Variants in AFF2 observed in about 807,000 individuals in gnomAD.
The protein encoded by AFF2 is ALF transcription elongation factor 2, also known as AF4/FMR2 family member 2.
In AFF2, 14 loss-of-function variants were observed where a neutral mutation model predicts 76.9. That is an observed-to-expected ratio of 0.18 (90% confidence interval 0.12 to 0.28). The LOEUF (loss-of-function observed/expected upper bound fraction) is 0.28. Among genes scored for constraint, AFF2 ranks in the 10% least tolerant of loss-of-function variants. The pLI is 1.00. For synonymous variants in AFF2, 398 were observed against 366.7 expected, an observed-to-expected ratio of 1.09 and a Z score of -0.98; for missense variants, 868 against 1,001.1, an observed-to-expected ratio of 0.87 and a Z score of 1.79.
chrX:148,837,594 G>A (rs1381260109), intron 4 of AFF2, 53 bp from the exon 5 acceptor site: 4 of 737,690 alleles, frequency 5.4e-6, no homozygotes, highest in Non-Finnish European at 6.4e-6. Flanking sequence ...GCTAAGAAAG[G>A]GCTTGATTTT....
chrX:148,576,704 C>T (rs1383706979), intron 1 of AFF2, among the ~76,000 whole-genome samples: 1 of 110,557 alleles, frequency 9.0e-6, no homozygotes, highest in Non-Finnish European at 1.9e-5. Flanking sequence ...AACGTTTAAC[C>T]GAAAAGGTGG....
chrX:148,635,600 C>T (rs2124436573), intron 1 of AFF2, among the ~76,000 whole-genome samples: 1 of 111,714 alleles, frequency 9.0e-6, no homozygotes, highest in African/African-American at 3.3e-5. Context: ...TAAACAGCCC[C>T]ATCAGAGAGG....
chrX:148,912,408 C>T (rs2071480988), intron 9 of AFF2, among the ~76,000 whole-genome samples: 1 of 110,937 alleles, frequency 9.0e-6, no homozygotes, highest in East Asian at 2.8e-4. Flanking sequence ...GGGAGCTAAA[C>T]AATGAGAACA....
At chrX:148,625,516 T>G (rs1557251913) in intron 1 of AFF2, among the ~76,000 whole-genome samples, 1 of 110,224 alleles carries the variant, frequency 9.1e-6, no homozygotes, top group Non-Finnish European at 1.9e-5. Context: ...CAGTCGCATC[T>G]GGCCTCCCAC....
chrX:148,987,018 A>G (rs1557291622), intron 19 of AFF2, among the ~76,000 whole-genome samples: 1 of 111,041 alleles, frequency 9.0e-6, no homozygotes, highest in Non-Finnish European at 1.9e-5. Flanking sequence ...TTAGAAAAGA[A>G]GAAGAGTGGG....
At chrX:148,736,360 G>T (rs1291784650) in intron 3 of AFF2, among the ~76,000 whole-genome samples, 1 of 111,796 alleles carries the variant, frequency 8.9e-6, no homozygotes, top group African/African-American at 3.3e-5. Flanking sequence ...GCATTTCCCT[G>T]ATCACTAGTG....
In AFF2 at chrX:148,960,414, C is replaced by T. The variant is rs190674691; in HGVS notation, c.2690+1956C>T. Among the ~76,000 whole-genome samples the T allele has an allele frequency of 4.1e-3, 457 of 112,445 alleles. 3 individuals carry two copies. Among genetic ancestry groups the T allele is most frequent in the Non-Finnish European group, 6.8e-3 (360 of 53,262 alleles). On this transcript the variant is annotated intron_variant, in intron 12 of 20. Transcript: ENST00000370460. The stretch of plus-strand genomic sequence containing the variant: ...CCTTACACCAAATGGTGTCTTTAAT[C>T]CACTATCTTTACAATGTCTCTGCTT...
intron 1 of AFF2, among the ~76,000 whole-genome samples, chrX:148,617,686 A>G (rs1402867685): frequency 8.9e-6 from 1 of 112,446 alleles, no homozygotes; most frequent in African/African-American, 3.2e-5. Context: ...GTGTTGATGC[A>G]ATTCACACTC....
intron 2 of AFF2, 77 bp downstream of exon 2, chrX:148,652,208 A>G (rs1261565108): frequency 1.3e-6 from 1 of 776,275 alleles, no homozygotes; most frequent in East Asian, 3.2e-5. Context: ...ATTTATGTTT[A>G]AAGCACCCAA....
rs147119409 is a variant in AFF2, at chrX:148,523,295, A to G, written c.47+22151A>G. On this transcript the variant is annotated intron_variant, in intron 1 of 20. Transcript: ENST00000370460. The stretch of plus-strand genomic sequence containing the variant: ...CCTTTGAATTTGTAATAATGACATT[A>G]TAAAACATATACATGTACATATACC... 9.2e-3 allele frequency among the ~76,000 whole-genome samples: 1,037 copies of G among 112,430 alleles called. 4 individuals carry two copies. Among genetic ancestry groups the G allele is most frequent in the Non-Finnish European group, 0.016 (865 of 53,249 alleles).
intron 13 of AFF2, among the ~76,000 whole-genome samples, chrX:148,963,974 A>G (rs2072141890): frequency 8.9e-6 from 1 of 111,936 alleles, no homozygotes; most frequent in Admixed American, 9.5e-5. Flanking sequence ...TATCAGTGAG[A>G]TCTAGGTGGT....
At chrX:148,870,903 C>G (rs2070965735) in intron 7 of AFF2, among the ~76,000 whole-genome samples, 1 of 111,710 alleles carries the variant, frequency 9.0e-6, no homozygotes, top group Non-Finnish European at 1.9e-5. Context: ...ATCCTCCCTC[C>G]CTGGGTGTTT....
rs36036992 is a variant in AFF2, at chrX:148,662,066, CT to C, written c.345del (p.Pro116GlnfsTer7). 8.3e-7 allele frequency: 1 copy of C among 1,210,602 alleles called. No homozygotes were observed. Among genetic ancestry groups the C allele is most frequent in the Non-Finnish European group, 1.1e-6 (1 of 894,477 alleles). ...ATCCCAACAACAAAAATGAACCAAG[CT>C]TTTTTCCAGAACAAAAGAACAGAAT... ...QNPNNKNEPS[F>X]FPEQKNRIIP... On this transcript the variant is annotated frameshift_variant, in exon 3 of 21. Coordinates refer to ENST00000370460, the MANE Select transcript of AFF2 (RefSeq NM_002025.4). LOFTEE classifies it high-confidence loss of function.
At chrX:148,792,502 A>G (rs1466391264) in intron 3 of AFF2, among the ~76,000 whole-genome samples, 3 of 112,954 alleles carry the variant, frequency 2.7e-5, no homozygotes, top group South Asian at 3.6e-4. Flanking sequence ...TTTTAACACA[A>G]AAGTGATAAC....
At chrX:148,650,919 A>G (rs2054197028) in intron 1 of AFF2, among the ~76,000 whole-genome samples, 1 of 112,198 alleles carries the variant, frequency 8.9e-6, no homozygotes, top group Non-Finnish European at 1.9e-5. Flanking sequence ...TTAACATGGG[A>G]CTATTAACAT....
At chrX:148,545,947 C>T (rs2052916481) in intron 1 of AFF2, among the ~76,000 whole-genome samples, 1 of 111,393 alleles carries the variant, frequency 9.0e-6, no homozygotes, top group Non-Finnish European at 1.9e-5. Context: ...TACACCTTGA[C>T]ATGATGCTAT....
intron 1 of AFF2, among the ~76,000 whole-genome samples, chrX:148,627,805 A>G (rs1456118396): frequency 1.8e-5 from 2 of 111,504 alleles, no homozygotes; most frequent in African/African-American, 6.5e-5. Flanking sequence ...TGAGAAAAAA[A>G]TTGTATCATA....
intron 3 of AFF2, among the ~76,000 whole-genome samples, chrX:148,781,574 C>T (rs1404808453): frequency 8.9e-6 from 1 of 111,901 alleles, no homozygotes; most frequent in Non-Finnish European, 1.9e-5. Context: ...CCCAGGTCGA[C>T]TTCAGACTGC....
Position 148,814,317 on chromosome X carries a change from A to G in AFF2, c.1086+4397A>G, listed in dbSNP as rs140461449. ...TCTAAATGCTACTAGCTAAGGATGG[A>G]TGCTCAATGATTATTTGTTCTACAG... On this transcript the variant is annotated intron_variant, in intron 4 of 20. Transcript: ENST00000370460. 4.1e-3 allele frequency among the ~76,000 whole-genome samples: 454 copies of G among 112,053 alleles called. 1 individual carries two copies. Among genetic ancestry groups the G allele is most frequent in the African/African-American group, 0.014 (428 of 30,929 alleles).
Sources: gnomAD v4.1 joint callset for allele counts (sites outside exome capture counted in the v4.1 genomes callset) on GRCh38, gnomAD v4.1.1 for gene constraint, MANE v1.5 for transcripts, NCBI Gene and HGNC (gene_info 2026-07-23, HGNC 2026-07-21) for gene names.